Variants in ZNF106 observed in about 807,000 individuals in gnomAD.
The protein encoded by ZNF106 is zinc finger protein 106.
ZNF106 carries 67 observed loss-of-function variants against 195.1 expected under a neutral mutation model. The observed-to-expected ratio is 0.34, with a 90% CI of 0.28 to 0.42. ZNF106 has a LOEUF of 0.42. Ranked by LOEUF, ZNF106 falls within the 10% of genes least tolerant of loss-of-function variation. The pLI is 1.00. For synonymous variants in ZNF106, 784 were observed against 818.6 expected, an observed-to-expected ratio of 0.96 and a Z score of 0.72; for missense variants, 2,118 against 2,304.5, an observed-to-expected ratio of 0.92 and a Z score of 1.66.
rs2054484127 is a variant in ZNF106, at chr15:42,417,081, G to A, written c.*223C>T. ...TGCCATGCTGTCCCAGAGAAGTATG[G>A]TTCCTTAACATTTGTCTAAATCTAT... On this transcript the variant is annotated 3_prime_UTR_variant, in exon 22 of 22. Transcript: ENST00000564754. The A allele has an allele frequency of 3.8e-6, 2 of 527,798 alleles. No individual in the cohort carries two copies. The highest frequency in any genetic ancestry group is 2.5e-5 in the South Asian group (1 of 40,252). 32.7% of individuals were successfully genotyped at this position (527,798 alleles called of 1,614,324 possible).
At position 42,451,864 on chromosome 15, in the gene ZNF106, G is replaced by A; in HGVS notation, c.408C>T (p.Asp136=). The change falls in exon 5 of 22, where the codon GAC becomes GAT. Residue 136 remains aspartate, a synonymous_variant. Coordinates refer to ENST00000564754, the MANE Select transcript of ZNF106 (RefSeq NM_001366845.3). The part of the protein sequence containing the change: ...WRREDRIPYQ[D]RESYSQPAWH... ...ATGCAGGCTGACTGTAACTCTCTCT[G>A]TCTTGGTAAGGAATTCGGTCTTCTC... 1 of 1,614,160 alleles carries A rather than the reference G, an allele frequency of 6.2e-7. No individual in the cohort carries two copies. The highest frequency in any genetic ancestry group is 8.5e-7 in the Non-Finnish European group (1 of 1,180,028).
chr15:42,424,182 G>A (rs2054769371), intron 16 of ZNF106, 122 bp from the exon 17 acceptor site: 1 of 777,330 alleles, frequency 1.3e-6, no homozygotes, highest in Middle Eastern at 2.5e-4. Context: ...GATGAACTAG[G>A]TATAAAAGTT....
intron 10 of ZNF106, among the ~76,000 whole-genome samples, chr15:42,440,998 A>AATATATATATATATATAT (rs56924955): frequency 4.2e-5 from 1 of 23,580 alleles, no homozygotes; most frequent in Non-Finnish European, 6.5e-5. Context: ...AAAAAAAAAA[A>AATATATATATATATATAT]ATATATATAT....
rs373285143 is a variant in ZNF106 at position 42,442,460 on chromosome 15, G to C, written c.3422-46C>G. Reference sequence around the variant, plus strand: ...ACATAGAAATGCAAAAATGTTATCTGAAAAGTCATTTGTGTCTGAGCTAAT... The same window carrying C: ...ACATAGAAATGCAAAAATGTTATCTCAAAAGTCATTTGTGTCTGAGCTAAT... On this transcript the variant is annotated intron_variant, in intron 9 of 21. Coordinates refer to ENST00000564754, the MANE Select transcript of ZNF106 (RefSeq NM_001366845.3). 3.7e-4 allele frequency: 552 copies of C among 1,504,472 alleles called. 1 individual carries two copies. The highest frequency in any genetic ancestry group is 4.7e-4 in the Non-Finnish European group (519 of 1,112,614). The allele number at this position is 1,504,472 out of a possible 1,614,324, so 93.2% of individuals were successfully genotyped here.
chr15:42,449,827 T>C lies in ZNF106; in HGVS notation c.2445A>G (p.Glu815=). The C allele has an allele frequency of 6.2e-7, 1 of 1,614,196 alleles. No individual in the cohort carries two copies. The highest frequency in any genetic ancestry group is 8.5e-7 in the Non-Finnish European group (1 of 1,180,018). The part of the protein sequence containing the change: ...LNASRRNVNW[E]QVIQQVTKKK... ...TCTTGGTTACTTGCTGAATGACCTG[T>C]TCCCAGTTGACATTTCTCCGAGATG... Residue 815 remains glutamate (E), a synonymous_variant, in exon 5 of 22, where the codon GAA becomes GAG. Coordinates refer to ENST00000564754, the MANE Select transcript of ZNF106 (RefSeq NM_001366845.3).
chr15:42,420,836 C>T lies in ZNF106; in HGVS notation c.5517+225G>A, dbSNP rs147304186. 2.6e-4 allele frequency among the ~76,000 whole-genome samples: 39 copies of T among 152,206 alleles called. 1 individual carries two copies. Among genetic ancestry groups the T allele is most frequent in the African/African-American group, 7.9e-4 (33 of 41,524 alleles). On this transcript the variant is annotated intron_variant, in intron 20 of 21. Coordinates refer to ENST00000564754, the MANE Select transcript of ZNF106 (RefSeq NM_001366845.3). Reference sequence around the variant, plus strand: ...GTGCCATTACCAAAATAAGCACTTCCGCTTTTTATTTCATATATTTCTGTA... The same window carrying T: ...GTGCCATTACCAAAATAAGCACTTCTGCTTTTTATTTCATATATTTCTGTA...
At chr15:42,462,895 T>C (rs536557128) in intron 3 of ZNF106, among the ~76,000 whole-genome samples, 1 of 152,182 alleles carries the variant, frequency 6.6e-6, no homozygotes, top group South Asian at 2.1e-4. Context: ...GGGATCCTCC[T>C]GCCTCAGCCT....
rs947321782 is a variant in ZNF106, at chr15:42,451,076, T to A, written c.1196A>T (p.Glu399Val). The stretch of plus-strand genomic sequence containing the variant: ...CAAGCTAAAATCAAAGAGAGGTTTC[T>A]CTATCATTTCTGACTTGTTACCAGT... ...DITGNKSEMI[E>V]KPLFDFSLIT... is the part of the protein sequence containing the mutation. Residue 399 changes from glutamate to valine, a missense_variant, in exon 5 of 22, where the codon GAG (glutamate) becomes GTG (valine). By Grantham distance (121) the Glu-to-Val change is moderately radical. Transcript: ENST00000564754. 1 of 1,614,236 alleles carries A rather than the reference T, an allele frequency of 6.2e-7. No homozygotes were observed. Among genetic ancestry groups the A allele is most frequent in the African/African-American group, 1.3e-5 (1 of 75,074 alleles).
intron 2 of ZNF106, among the ~76,000 whole-genome samples, chr15:42,468,033 T>C (rs1175158684): frequency 6.6e-6 from 1 of 151,148 alleles, no homozygotes; most frequent in African/African-American, 2.4e-5. Flanking sequence ...AGTTATCTAC[T>C]ATAGTGTGAT....
intron 11 of ZNF106, 30 bp downstream of exon 11, chr15:42,439,002 TG>T (rs1274658196): frequency 6.4e-7 from 1 of 1,551,436 alleles, no homozygotes; most frequent in Non-Finnish European, 8.7e-7. Context: ...TGGTGAAAGT[TG>T]TTCTGACTGG....
At chr15:42,427,010 A>G (rs1204840906) in intron 15 of ZNF106, among the ~76,000 whole-genome samples, 1 of 152,208 alleles carries the variant, frequency 6.6e-6, no homozygotes. Flanking sequence ...ACCTTCTGTT[A>G]GTTCCAGCTA....
At chr15:42,459,839 G>C (rs980143808) in intron 3 of ZNF106, among the ~76,000 whole-genome samples, 1 of 151,946 alleles carries the variant, frequency 6.6e-6, no homozygotes, top group African/African-American at 2.4e-5. Flanking sequence ...AGGAGTTCGA[G>C]ACCAGGCTGG....
rs1162999546 is a variant in ZNF106, at chr15:42,418,532, A to ATTTTTTT, written c.5518-588_5518-582dup. 5.0e-4 allele frequency among the ~76,000 whole-genome samples: 48 copies of ATTTTTTT among 96,242 alleles called. 2 individuals are homozygous for ATTTTTTT. The highest frequency in any genetic ancestry group is 1.9e-3 in the African/African-American group (44 of 23,450). The allele number at this position is 96,242 out of a possible 152,430, so 63.1% of individuals were successfully genotyped here. A position where few individuals can be genotyped will look rare whatever the true frequency, so the allele number is the denominator to read the frequency against. The stretch of plus-strand genomic sequence containing the variant: ...AGGCGTGCACCACCACGGCCAGTTA[A>ATTTTTTT]TTTTTTTTTTTTTTTTTTTTTTTTT... On this transcript the variant is annotated intron_variant, in intron 20 of 21. Transcript: ENST00000564754.
intron 1 of ZNF106, among the ~76,000 whole-genome samples, chr15:42,481,222 A>G (rs2056891811): frequency 6.6e-6 from 1 of 152,052 alleles, no homozygotes; most frequent in South Asian, 2.1e-4. Context: ...TTTTCTGAAG[A>G]TTCAACTTTC....
chr15:42,418,851 C>T (rs745412054), intron 20 of ZNF106, among the ~76,000 whole-genome samples: 15 of 151,906 alleles, frequency 9.9e-5, no homozygotes, highest in Non-Finnish European at 1.9e-4. Flanking sequence ...CTTATGAATA[C>T]CTACTTATTT....
rs1453751809 is a variant in ZNF106, at chr15:42,417,944, C to A, written c.5525G>T (p.Gly1842Val). ...LMQNYRCWWH[G>V]CSLIFGVVDH... is the part of the protein sequence containing the mutation. ...TACAACGCCAAATATCAGAGAGCAACCATGCCACTGGAGAGAAAGAAAATG... is the reference window on the plus strand; with the variant it reads ...TACAACGCCAAATATCAGAGAGCAAACATGCCACTGGAGAGAAAGAAAATG... Residue 1842 changes from glycine to valine, a missense_variant, in exon 21 of 22, where the codon GGT (glycine) becomes GTT (valine). Physicochemically the swap from Gly to Val is moderately radical, Grantham distance 109. Transcript: ENST00000564754. The A allele has an allele frequency of 6.2e-7, 1 of 1,612,950 alleles. No individual in the cohort carries two copies.
intron 10 of ZNF106, among the ~76,000 whole-genome samples, chr15:42,441,531 T>G (rs2055536104): frequency 1.3e-5 from 2 of 152,202 alleles, no homozygotes; most frequent in Non-Finnish European, 2.9e-5. Flanking sequence ...AACAGGATTT[T>G]ACATAGCTTA....
rs1437039864 is a variant in ZNF106, at chr15:42,491,109, G to C, written c.-162C>G. On this transcript the variant is annotated 5_prime_UTR_variant, in exon 1 of 22. Transcript: ENST00000564754. ...CCGGACCCGCTCCCCGCCGGGCCCC[G>C]CCACAGCCGCCGCCAACGCGCAGGC... 6.6e-6 allele frequency: 1 copy of C among 152,390 alleles called. No individual in the cohort carries two copies. Among genetic ancestry groups the C allele is most frequent in the Non-Finnish European group, 1.5e-5 (1 of 68,092 alleles). 9.4% of individuals were successfully genotyped at this position (152,390 alleles called of 1,614,324 possible). A position where few individuals can be genotyped will look rare whatever the true frequency, so the allele number is the denominator to read the frequency against.
chr15:42,457,190 T>G, intron 3 of ZNF106, 32 bp from the exon 4 acceptor site: 1 of 1,613,938 alleles, frequency 6.2e-7, no homozygotes, highest in Non-Finnish European at 8.5e-7. Context: ...GGACATTCAA[T>G]TCTCCCCACT....
Sources: allele counts gnomAD v4.1 joint callset (sites outside exome capture counted in the v4.1 genomes callset), GRCh38; gene constraint gnomAD v4.1.1; transcripts MANE v1.5; gene names NCBI Gene and HGNC (gene_info 2026-07-23, HGNC 2026-07-21).